Variants in XKR6 observed in about 807,000 individuals in gnomAD.
XKR6 encodes the protein XK-related protein 6.
XKR6 carries 22 observed loss-of-function variants against 56.7 expected under a neutral mutation model. That is an observed-to-expected ratio of 0.39 (90% CI 0.28 to 0.55). XKR6 has a LOEUF of 0.55. Among genes scored for constraint, XKR6 ranks in the 20% least tolerant of loss-of-function variants. The pLI is 0.66. For synonymous variants in XKR6, 524 were observed against 387.8 expected, an observed-to-expected ratio of 1.35 and a Z score of -4.13; for missense variants, 852 against 889.0, an observed-to-expected ratio of 0.96 and a Z score of 0.53.
chr8:11,051,205 C>A (rs1003528557), intron 1 of XKR6, among the ~76,000 whole-genome samples: 2 of 152,080 alleles, frequency 1.3e-5, no homozygotes, highest in Non-Finnish European at 2.9e-5. Flanking sequence ...CCAGACACTT[C>A]TTCTTCCTGG....
chr8:10,971,197 G>A (rs572769598), intron 1 of XKR6, among the ~76,000 whole-genome samples: 12 of 151,896 alleles, frequency 7.9e-5, no homozygotes, highest in Admixed American at 1.3e-4. Flanking sequence ...CGAGGTGGGC[G>A]GATCACGAGG....
At chr8:11,001,141 G>T (rs767793798) in intron 1 of XKR6, among the ~76,000 whole-genome samples, 1 of 152,224 alleles carries the variant, frequency 6.6e-6, no homozygotes, top group Non-Finnish European at 1.5e-5. Context: ...GGTTGAACAC[G>T]TGCTATGTGT....
intron 2 of XKR6, among the ~76,000 whole-genome samples, chr8:10,919,788 A>T (rs772449011): frequency 3.3e-5 from 5 of 152,160 alleles, no homozygotes; most frequent in Non-Finnish European, 5.9e-5. Context: ...TAGCAGACAC[A>T]AGACTCACCA....
chr8:11,023,278 C>G (rs1044875680), intron 1 of XKR6, among the ~76,000 whole-genome samples: 3 of 152,170 alleles, frequency 2.0e-5, no homozygotes, highest in African/African-American at 4.8e-5. Flanking sequence ...GATCCCAGAC[C>G]CTGTTCTGCC....
chr8:11,101,395 A>C (rs1798476532), intron 1 of XKR6, among the ~76,000 whole-genome samples: 1 of 152,222 alleles, frequency 6.6e-6, no homozygotes, highest in Non-Finnish European at 1.5e-5. Context: ...GGAATCTGAA[A>C]TGACAATGAA....
At position 11,027,491 on chromosome 8, in the gene XKR6, G is replaced by A. The variant is rs533593853; in HGVS notation, c.765-102661C>T. 4.8e-4 allele frequency among the ~76,000 whole-genome samples: 73 copies of A among 152,182 alleles called. 1 individual carries two copies. Among genetic ancestry groups the A allele is most frequent in the South Asian group, 2.7e-3 (13 of 4,816 alleles). ...GATCTAGAGCATTCATATTCGTTTC[G>A]TCATTTAATTCTCACCACCATGCTA... On this transcript the variant is annotated intron_variant, in intron 1 of 2. Transcript: ENST00000416569.
At chr8:11,089,926 G>C (rs1196203701) in intron 1 of XKR6, among the ~76,000 whole-genome samples, 3 of 151,884 alleles carry the variant, frequency 2.0e-5, no homozygotes, top group Non-Finnish European at 4.4e-5. Flanking sequence ...ATAATAGTTT[G>C]TTTTAAAATT....
intron 1 of XKR6, among the ~76,000 whole-genome samples, chr8:10,941,217 C>G (rs773767087): frequency 1.3e-5 from 2 of 152,216 alleles, no homozygotes; most frequent in African/African-American, 2.4e-5. Flanking sequence ...ACACCCTCCA[C>G]CTGTGCCCCC....
chr8:11,016,871 C>T (rs1798637248), intron 1 of XKR6, among the ~76,000 whole-genome samples: 1 of 152,220 alleles, frequency 6.6e-6, no homozygotes. Flanking sequence ...AATTTCACCT[C>T]CTCGGAGACC....
chr8:11,136,269 C>A (rs191501761), intron 1 of XKR6, among the ~76,000 whole-genome samples: 51 of 152,316 alleles, frequency 3.3e-4, no homozygotes, highest in Admixed American at 7.8e-4. Context: ...AATCCCAGCA[C>A]TCTGGGAGGC....
At chr8:11,086,067 G>A (rs1329051833) in intron 1 of XKR6, among the ~76,000 whole-genome samples, 14 of 151,390 alleles carry the variant, frequency 9.2e-5, no homozygotes, top group South Asian at 2.1e-4. Flanking sequence ...TCACGGTCCC[G>A]CCAGCTGCCC....
At chr8:11,076,830 C>G (rs1431522816) in intron 1 of XKR6, among the ~76,000 whole-genome samples, 1 of 152,154 alleles carries the variant, frequency 6.6e-6, no homozygotes, top group African/African-American at 2.4e-5. Context: ...ATCCCAAGGA[C>G]AAGAAAGTTC....
intron 1 of XKR6, among the ~76,000 whole-genome samples, chr8:10,969,958 A>C (rs1413850996): frequency 1.3e-5 from 2 of 152,212 alleles, no homozygotes; most frequent in Non-Finnish European, 2.9e-5. Context: ...TCTCTACCGA[A>C]ACCCCATGCT....
chr8:11,171,128 T>A (rs935452441), intron 1 of XKR6, among the ~76,000 whole-genome samples: 2 of 152,228 alleles, frequency 1.3e-5, no homozygotes, highest in African/African-American at 4.8e-5. Flanking sequence ...AACTGCCTGG[T>A]TGGGTAGAAG....
In XKR6 at chr8:10,990,829, T is replaced by C. The variant is rs548629939; in HGVS notation, c.765-65999A>G. Reference sequence around the variant, plus strand: ...AACTTCTGGGCTCAAGCGATCCACCTGCCTCAGCCTCCCAAAGTGGTAGGA... The same window carrying C: ...AACTTCTGGGCTCAAGCGATCCACCCGCCTCAGCCTCCCAAAGTGGTAGGA... On this transcript the variant is annotated intron_variant, in intron 1 of 2. Transcript: ENST00000416569. 4.6e-4 allele frequency among the ~76,000 whole-genome samples: 70 copies of C among 150,952 alleles called. 1 individual carries two copies. The highest frequency in any genetic ancestry group is 1.6e-3 in the East Asian group (8 of 5,160).
At chr8:10,984,127 G>A (rs888077576) in intron 1 of XKR6, among the ~76,000 whole-genome samples, 2 of 152,054 alleles carry the variant, frequency 1.3e-5, no homozygotes, top group Non-Finnish European at 1.5e-5. Flanking sequence ...GACAAACGAG[G>A]CATGTATTGC....
At chr8:10,927,279 G>T (rs1270516310) in intron 1 of XKR6, among the ~76,000 whole-genome samples, 1 of 152,102 alleles carries the variant, frequency 6.6e-6, no homozygotes, top group Non-Finnish European at 1.5e-5. Context: ...CAGATCTTTG[G>T]CACCCATGTC....
chr8:10,942,926 C>G (rs890244422), intron 1 of XKR6, among the ~76,000 whole-genome samples: 4 of 152,246 alleles, frequency 2.6e-5, no homozygotes, highest in African/African-American at 7.2e-5. Flanking sequence ...TTTGTCCTTT[C>G]CATGTCTGAC....
Position 11,200,635 on chromosome 8 carries a change from G to T in XKR6, c.705C>A (p.Arg235=), listed in dbSNP as rs747499308. Reference sequence around the variant, plus strand: ...CCGACTGCCAGATCCACACGGAGAGGCGACACAGGCGCTGCGCCCCCGGCG... The same window carrying T: ...CCGACTGCCAGATCCACACGGAGAGTCGACACAGGCGCTGCGCCCCCGGCG... ...SPTPGAQRLC[R]LSVWIWQSVI... is the part of the protein sequence containing the mutation. Residue 235 remains arginine (R), a synonymous_variant, in exon 1 of 3, where the codon CGC becomes CGA. Transcript: ENST00000416569. This position sits in a 1 kb window ranked among gnomAD's most constrained non-coding sequence, Gnocchi z 6.4. The T allele has an allele frequency of 6.4e-7, 1 of 1,551,778 alleles. No individual in the cohort carries two copies. Among genetic ancestry groups the T allele is most frequent in the Non-Finnish European group, 8.6e-7 (1 of 1,159,602 alleles).
Sources: allele counts gnomAD v4.1 joint callset (sites outside exome capture counted in the v4.1 genomes callset), GRCh38; gene constraint gnomAD v4.1.1; non-coding constraint Gnocchi (gnomAD v3.1); transcripts MANE v1.5; gene names NCBI Gene and HGNC (gene_info 2026-07-23, HGNC 2026-07-21).